Variants in PCDH11X observed in about 807,000 individuals in gnomAD.
The protein encoded by PCDH11X is protocadherin 11 X-linked, also known as protocadherin-11 X-linked.
In PCDH11X, 18 loss-of-function variants were observed where a neutral mutation model predicts 53.3. That is an observed-to-expected ratio of 0.34 (90% CI 0.23 to 0.50). The LOEUF (loss-of-function observed/expected upper bound fraction) is 0.50, where lower values mean the gene tolerates loss of function less well. PCDH11X is among the 20% of genes least tolerant of loss of function. The pLI, the probability that PCDH11X is intolerant of heterozygous loss-of-function variation, is 0.98. For synonymous variants in PCDH11X, 279 were observed against 393.3 expected (o/e 0.71, Z 3.44); for missense variants, 570 against 1,032.4 (o/e 0.55, Z 6.14).
At chrX:92,304,408 G>A (rs979984887) in intron 8 of PCDH11X, among the ~76,000 whole-genome samples, 2 of 111,421 alleles carry the variant, frequency 1.8e-5, no homozygotes, top group African/African-American at 6.5e-5. Context: ...AGATATATCA[G>A]TTTTATTTTT....
chrX:91,970,604 C>T (rs764449494), intron 6 of PCDH11X, among the ~76,000 whole-genome samples: 105 of 111,386 alleles, frequency 9.4e-4, no homozygotes, highest in African/African-American at 3.3e-3. Context: ...CACTTCACCT[C>T]TCAATAATAC....
chrX:92,282,291 AT>A (rs1021851033), intron 8 of PCDH11X, among the ~76,000 whole-genome samples: 1 of 111,733 alleles, frequency 8.9e-6, no homozygotes, highest in African/African-American at 3.2e-5. Context: ...TCATCTTAAA[AT>A]TTTTTTCCTA....
intron 10 of PCDH11X, among the ~76,000 whole-genome samples, chrX:92,497,837 T>C (rs2073885713): frequency 9.0e-6 from 1 of 110,733 alleles, no homozygotes; most frequent in Admixed American, 9.6e-5. Flanking sequence ...ACAAGGCTAA[T>C]ATAGGACTAA....
chrX:92,049,319 G>C (rs1392178355), intron 6 of PCDH11X, among the ~76,000 whole-genome samples: 1 of 111,369 alleles, frequency 9.0e-6, no homozygotes, highest in Non-Finnish European at 1.9e-5. Context: ...CTCTTGTTAT[G>C]CCAGAGTCAG....
chrX:92,310,792 C>G (rs2068931912), intron 8 of PCDH11X, among the ~76,000 whole-genome samples: 1 of 112,069 alleles, frequency 8.9e-6, no homozygotes, highest in Non-Finnish European at 1.9e-5. Context: ...TATGAACTCT[C>G]TTCCAGTAAA....
chrX:92,551,238 G>A (rs57330451), intron 10 of PCDH11X, among the ~76,000 whole-genome samples: 2,381 of 111,255 alleles, frequency 0.021, 39 homozygotes, highest in African/African-American at 0.041. Flanking sequence ...CTACATCTGT[G>A]CTAGCATTTG....
chrX:92,565,697 G>GA (rs1394503516), intron 10 of PCDH11X, among the ~76,000 whole-genome samples: 1 of 107,474 alleles, frequency 9.3e-6, no homozygotes, highest in African/African-American at 3.4e-5. Context: ...AAAACAATTA[G>GA]AAAAAACGAA....
rs150293307 is a variant in PCDH11X, at chrX:92,340,941, A to T, written c.3145-46794A>T. 4.0e-3 allele frequency among the ~76,000 whole-genome samples: 448 copies of T among 112,110 alleles called. 1 individual carries two copies. The highest frequency in any genetic ancestry group is 8.2e-3 in the Admixed American group (86 of 10,544). On this transcript the variant is annotated intron_variant, in intron 8 of 10. Coordinates refer to ENST00000682573, the MANE Select transcript of PCDH11X (RefSeq NM_032968.5). The stretch of plus-strand genomic sequence containing the variant: ...ATTTTATGCTCCGCCTCCCCATTAA[A>T]TATAAGTTCCAACTTATTTATTCAC...
At chrX:92,515,901 T>A (rs1350288305) in intron 10 of PCDH11X, among the ~76,000 whole-genome samples, 1 of 111,327 alleles carries the variant, frequency 9.0e-6, no homozygotes, top group Non-Finnish European at 1.9e-5. Context: ...CATTTGCAAA[T>A]ATACCTAGGG....
chrX:91,965,069 A>G (rs1298411161), intron 6 of PCDH11X, among the ~76,000 whole-genome samples: 1 of 110,939 alleles, frequency 9.0e-6, no homozygotes, highest in Non-Finnish European at 1.9e-5. Flanking sequence ...TTACTTTTGC[A>G]TTCAGTAATT....
At chrX:91,984,051 A>G (rs996496542) in intron 6 of PCDH11X, among the ~76,000 whole-genome samples, 2 of 100,520 alleles carry the variant, frequency 2.0e-5, no homozygotes, top group Non-Finnish European at 4.0e-5. Context: ...ATACATCTGG[A>G]TATCTGTAAG....
chrX:92,033,846 T>A (rs1468018099), intron 6 of PCDH11X, among the ~76,000 whole-genome samples: 3 of 110,678 alleles, frequency 2.7e-5, no homozygotes, highest in Non-Finnish European at 3.8e-5. Flanking sequence ...GGTTATGTAT[T>A]TGAAGTTTTT....
rs186662520 is a variant in PCDH11X, at chrX:92,096,377, A to G, written c.3034-104998A>G. Among the ~76,000 whole-genome samples, 71 of 109,967 alleles carry G rather than the reference A, an allele frequency of 6.5e-4. No homozygotes were observed. The Admixed American group carries it at 6.8e-3, about 11-fold the overall frequency. On this transcript the variant is annotated intron_variant, in intron 6 of 10. Coordinates refer to ENST00000682573, the MANE Select transcript of PCDH11X (RefSeq NM_032968.5). ...CTTGCTCTCAGGGGGACTATGTAAG[A>G]GGACTGAATGAATAGACAAGTTTAT...
intron 7 of PCDH11X, among the ~76,000 whole-genome samples, chrX:92,246,478 G>A (rs1457226722): frequency 2.7e-5 from 3 of 110,526 alleles, no homozygotes; most frequent in African/African-American, 6.6e-5. Context: ...TCAGTATCCC[G>A]AGTAGCTGGG....
chrX:91,831,054 A>G (rs1937089129), intron 4 of PCDH11X, among the ~76,000 whole-genome samples: 2 of 112,081 alleles, frequency 1.8e-5, no homozygotes, highest in South Asian at 7.4e-4. Flanking sequence ...CTAGAATTGC[A>G]TATAGTAGAT....
chrX:92,092,462 T>G, intron 6 of PCDH11X, among the ~76,000 whole-genome samples: 1 of 110,833 alleles, frequency 9.0e-6, no homozygotes. Flanking sequence ...GTTCCCAAGG[T>G]AGTCAAAGCA....
At chrX:92,351,629 G>C (rs1274490480) in intron 8 of PCDH11X, among the ~76,000 whole-genome samples, 1 of 111,628 alleles carries the variant, frequency 9.0e-6, no homozygotes, top group East Asian at 2.8e-4. Context: ...AAATAAACAT[G>C]TAATTAAACA....
At chrX:92,248,964 A>G (rs991834102) in intron 7 of PCDH11X, among the ~76,000 whole-genome samples, 2 of 111,218 alleles carry the variant, frequency 1.8e-5, no homozygotes, top group South Asian at 7.6e-4. Context: ...TTGGCCTCCC[A>G]ATGTGCTGGG....
chrX:92,201,458 A>G lies in PCDH11X; in HGVS notation c.3114+3A>G. The G allele has an allele frequency of 8.7e-7, 1 of 1,145,178 alleles. No homozygotes were observed. 94.4% of individuals were successfully genotyped at this position (1,145,178 alleles called of 1,213,427 possible). A position where few individuals can be genotyped will look rare whatever the true frequency, so the allele number is the denominator to read the frequency against. On this transcript the variant is annotated splice_donor_region_variant and intron_variant, in intron 7 of 10. Transcript: ENST00000682573. ...TCTGGATTCATCCCCAACCACAGGT[A>G]TGGCAAAAGCCCTATGATTTTTCCT...
Sources: gnomAD v4.1 joint callset for allele counts (sites outside exome capture counted in the v4.1 genomes callset) on GRCh38, gnomAD v4.1.1 for gene constraint, MANE v1.5 for transcripts, NCBI Gene and HGNC (gene_info 2026-07-23, HGNC 2026-07-21) for gene names.